LRRC75A: variants seen among roughly 807,000 people sequenced by gnomAD.
LRRC75A encodes leucine rich repeat containing 75A.
In LRRC75A, 12 loss-of-function variants were observed where a neutral mutation model predicts 26.0. That is an observed-to-expected ratio of 0.46 (90% CI 0.30 to 0.75). LRRC75A has a LOEUF of 0.75. LRRC75A is among the 30% of genes least tolerant of loss of function. The pLI is 0.08. For synonymous variants in LRRC75A, 223 were observed against 219.3 expected (o/e 1.02, Z -0.15); for missense variants, 410 against 486.6 (o/e 0.84, Z 1.48).
At chr17:16,453,320 G>A (rs4792748) in intron 2 of LRRC75A, among the ~76,000 whole-genome samples, 50,351 of 107,426 alleles carry the variant, frequency 0.47, 8,855 homozygotes, top group African/African-American at 0.52. Flanking sequence ...ACGCACACAC[G>A]CACACACGCA....
chr17:16,477,026 CTG>C (rs1216031078), intron 1 of LRRC75A, among the ~76,000 whole-genome samples: 3 of 151,374 alleles, frequency 2.0e-5, no homozygotes, highest in African/African-American at 4.9e-5. Context: ...GCGTGAGCCA[CTG>C]CGCCCGGCCA....
chr17:16,457,170 A>G (rs1197589209), intron 2 of LRRC75A, among the ~76,000 whole-genome samples: 9 of 151,952 alleles, frequency 5.9e-5, no homozygotes, highest in African/African-American at 1.7e-4. Flanking sequence ...CTGCTCCAGG[A>G]CCCCGACAAG....
At chr17:16,476,011 T>C (rs1028550591) in intron 1 of LRRC75A, among the ~76,000 whole-genome samples, 1 of 152,002 alleles carries the variant, frequency 6.6e-6, no homozygotes, top group Non-Finnish European at 1.5e-5. Flanking sequence ...GCTAACATGG[T>C]GAAACCCCAT....
intron 1 of LRRC75A, among the ~76,000 whole-genome samples, chr17:16,473,611 A>G (rs1039228732): frequency 4.6e-5 from 7 of 152,138 alleles, no homozygotes; most frequent in Non-Finnish European, 5.9e-5. Flanking sequence ...CTGAGCCAAG[A>G]AACTGCTGGT....
At chr17:16,464,644 A>G (rs1601162583) in intron 1 of LRRC75A, among the ~76,000 whole-genome samples, 1 of 152,154 alleles carries the variant, frequency 6.6e-6, no homozygotes, top group African/African-American at 2.4e-5. Flanking sequence ...CACAGACCCA[A>G]TTGAGAATGT....
intron 1 of LRRC75A, among the ~76,000 whole-genome samples, chr17:16,484,269 G>C (rs1194878817): frequency 1.3e-5 from 2 of 152,160 alleles, no homozygotes; most frequent in African/African-American, 4.8e-5. Flanking sequence ...CTGGGAGGTG[G>C]AGGTTGTAGT....
chr17:16,491,966 T>G lies in LRRC75A; in HGVS notation c.25A>C (p.Ser9Arg). 2 of 1,216,462 alleles carry G rather than the reference T, an allele frequency of 1.6e-6. No homozygotes were observed. The highest frequency in any genetic ancestry group is 2.0e-6 in the Non-Finnish European group (2 of 981,124). 75.4% of individuals were successfully genotyped at this position (1,216,462 alleles called of 1,614,324 possible). The part of the protein sequence containing the change: MGTRQTKG[S>R]LAERASPGAA... ...CCGGGGCTGGCTCTCTCCGCCAGGC[T>G]GCCCTTGGTCTGCCGGGTGCCCATG... The change falls in exon 1 of 4, where the codon AGC becomes CGC. Residue 9 changes from serine (S) to arginine (R), a missense_variant. Ser to Arg is a moderately radical substitution (Grantham distance 110). Coordinates refer to ENST00000470794, the MANE Select transcript of LRRC75A (RefSeq NM_001113567.3). The surrounding 1 kb of genome is among the most constrained non-coding windows in gnomAD (Gnocchi z 5.9).
intron 1 of LRRC75A, among the ~76,000 whole-genome samples, chr17:16,489,628 C>T (rs528020150): frequency 1.5e-3 from 236 of 152,348 alleles, no homozygotes; most frequent in Middle Eastern, 6.8e-3. Flanking sequence ...CCTAGAAAGC[C>T]ACCTCTCTGT....
At chr17:16,467,584 CACACCTGAAGACA>C (rs2093779206) in intron 1 of LRRC75A, among the ~76,000 whole-genome samples, 2 of 152,320 alleles carry the variant, frequency 1.3e-5, no homozygotes, top group Admixed American at 1.3e-4. Context: ...ATGTTGATGA[CACACCTGAAGACA>C]ACCTGGCTCA....
chr17:16,443,459 T>C lies in LRRC75A; in HGVS notation c.*129A>G. The C allele has an allele frequency of 2.5e-6, 2 of 788,140 alleles. No individual in the cohort carries two copies. Among genetic ancestry groups the C allele is most frequent in the Non-Finnish European group, 3.9e-6 (2 of 515,766 alleles). The allele number at this position is 788,140 out of a possible 1,614,324, so 48.8% of individuals were successfully genotyped here. ...CCCCAGATGATATGGTTTGCCTTTC[T>C]GTAGGTGGGTGGCCCAGGCCAATTT... On this transcript the variant is annotated 3_prime_UTR_variant, in exon 4 of 4. Transcript: ENST00000470794.
intron 1 of LRRC75A, among the ~76,000 whole-genome samples, chr17:16,467,831 A>C (rs774278986): frequency 2.0e-5 from 3 of 152,218 alleles, no homozygotes; most frequent in Admixed American, 1.3e-4. Context: ...CTCTGAAGCA[A>C]CTGATATCTC....
At chr17:16,490,480 G>T (rs947520606) in intron 1 of LRRC75A, among the ~76,000 whole-genome samples, 3 of 152,200 alleles carry the variant, frequency 2.0e-5, no homozygotes, top group African/African-American at 7.2e-5. Flanking sequence ...CATTCTGGAA[G>T]TTGTTGGGGA....
Position 16,443,701 on chromosome 17 carries a change from C to A in LRRC75A, c.922G>T (p.Gly308Trp). Residue 308 changes from glycine to tryptophan, a missense_variant, in exon 4 of 4, where the codon GGG becomes TGG. Coordinates refer to ENST00000470794, the MANE Select transcript of LRRC75A (RefSeq NM_001113567.3). Reference protein sequence around the residue: ...ILELGEGPGSGEEVREGTVGQ... With the variant: ...ILELGEGPGSWEEVREGTVGQ... ...ACTGTCCCTTCCCGGACCTCCTCCCCACTGCCTGGGCCCTCACCCAGCTCC... is the reference window on the plus strand; with the variant it reads ...ACTGTCCCTTCCCGGACCTCCTCCCAACTGCCTGGGCCCTCACCCAGCTCC... The A allele has an allele frequency of 6.2e-7, 1 of 1,611,784 alleles. No homozygotes were observed.
chr17:16,486,586 G>A (rs979671835), intron 1 of LRRC75A, among the ~76,000 whole-genome samples: 6 of 152,222 alleles, frequency 3.9e-5, no homozygotes, highest in Non-Finnish European at 7.3e-5. Flanking sequence ...CACAAGAGCC[G>A]ATCAGGAATG....
At chr17:16,445,500 A>C (rs977657351) in intron 3 of LRRC75A, among the ~76,000 whole-genome samples, 6 of 151,952 alleles carry the variant, frequency 3.9e-5, no homozygotes, top group African/African-American at 1.5e-4. Flanking sequence ...TGGGAAGGAG[A>C]GGGAGGTGGA....
At chr17:16,476,882 G>GCA (rs953069433) in intron 1 of LRRC75A, among the ~76,000 whole-genome samples, 7 of 151,994 alleles carry the variant, frequency 4.6e-5, no homozygotes, top group Non-Finnish European at 5.9e-5. Context: ...GGGACCACAG[G>GCA]CGCCCACCAC....
intron 1 of LRRC75A, among the ~76,000 whole-genome samples, chr17:16,484,638 C>G (rs1313900693): frequency 1.3e-5 from 2 of 152,170 alleles, no homozygotes; most frequent in African/African-American, 4.8e-5. Context: ...GAACAAGAGT[C>G]TGCTTCTCAC....
At position 16,492,079 on chromosome 17, in the gene LRRC75A, G is replaced by A. The variant is rs1447326330; in HGVS notation, c.-89C>T. Reference sequence around the variant, plus strand: ...GCCCCTCGGCCGCCCGTGCGCGCTCGCCTCCCGGGCTGCAACTTTGGGGGA... The same window carrying A: ...GCCCCTCGGCCGCCCGTGCGCGCTCACCTCCCGGGCTGCAACTTTGGGGGA... On this transcript the variant is annotated 5_prime_UTR_variant, in exon 1 of 4. Transcript: ENST00000470794. 1.9e-5 allele frequency: 20 copies of A among 1,035,912 alleles called. No homozygotes were observed. The highest frequency in any genetic ancestry group is 1.9e-5 in the Non-Finnish European group (16 of 862,330). 64.2% of individuals were successfully genotyped at this position (1,035,912 alleles called of 1,614,324 possible). A position where few individuals can be genotyped will look rare whatever the true frequency, so the allele number is the denominator to read the frequency against.
chr17:16,490,089 C>T (rs1654206493), intron 1 of LRRC75A, among the ~76,000 whole-genome samples: 1 of 152,182 alleles, frequency 6.6e-6, no homozygotes, highest in Non-Finnish European at 1.5e-5. Flanking sequence ...AGTATCTGCC[C>T]ACTTTGGGTC....
Sources: allele counts gnomAD v4.1 joint callset (sites outside exome capture counted in the v4.1 genomes callset), GRCh38; gene constraint gnomAD v4.1.1; non-coding constraint Gnocchi (gnomAD v3.1); transcripts MANE v1.5; gene names NCBI Gene and HGNC (gene_info 2026-07-23, HGNC 2026-07-21).